MIDEAS: variants seen among roughly 807,000 people sequenced by gnomAD.
The protein encoded by MIDEAS is mitotic deacetylase-associated SANT domain protein.
Under a neutral mutation model 102.7 loss-of-function variants are expected in MIDEAS, and 26 were observed. The ratio of observed to expected loss-of-function variants is 0.25; its 90% confidence interval spans 0.19 to 0.35. MIDEAS has a LOEUF of 0.35. Ranked by LOEUF, MIDEAS falls within the 10% of genes least tolerant of loss-of-function variation. MIDEAS has a pLI of 1.00. For missense variants in MIDEAS, 1,231 were observed against 1,435.6 expected (o/e 0.86, Z 2.30); for synonymous variants, 585 against 591.0 (o/e 0.99, Z 0.15).
intron 7 of MIDEAS, among the ~76,000 whole-genome samples, chr14:73,726,337 C>T (rs992947330): frequency 6.6e-6 from 1 of 152,218 alleles, no homozygotes; most frequent in Non-Finnish European, 1.5e-5. Flanking sequence ...GGAGGCAGCA[C>T]TGCTGGAGAA....
intron 5 of MIDEAS, 49 bp from the exon 6 acceptor site, chr14:73,727,021 G>A (rs1366069903): frequency 1.9e-6 from 3 of 1,548,332 alleles, no homozygotes; most frequent in African/African-American, 1.4e-5. Context: ...TGCGGGGACG[G>A]AGAACTTGAT....
chr14:73,780,774 A>T (rs2140178806), intron 1 of MIDEAS, among the ~76,000 whole-genome samples: 1 of 152,270 alleles, frequency 6.6e-6, no homozygotes, highest in Non-Finnish European at 1.5e-5. Context: ...AGAAAACAGT[A>T]AGTAATCTTG....
chr14:73,724,630 C>A (rs1264793259), intron 9 of MIDEAS: 1 of 154,888 alleles, frequency 6.5e-6, no homozygotes, highest in African/African-American at 2.4e-5. Context: ...ATCTACAATC[C>A]CAAGAGGAAA....
intron 9 of MIDEAS, 91 bp from the exon 10 acceptor site, chr14:73,722,938 C>G (rs2053015795): frequency 1.3e-6 from 2 of 1,486,744 alleles, no homozygotes; most frequent in Non-Finnish European, 1.8e-6. Flanking sequence ...GCATCTTTCC[C>G]TTAACTTCAA....
intron 1 of MIDEAS, among the ~76,000 whole-genome samples, chr14:73,753,362 A>G (rs181289922): frequency 1.3e-5 from 2 of 152,324 alleles, no homozygotes; most frequent in African/African-American, 4.8e-5. Flanking sequence ...CCTTGTGCAC[A>G]TGAAAATAGC....
upstream of MIDEAS, among the ~76,000 whole-genome samples, chr14:73,760,478 G>GC (rs2053544902): frequency 6.6e-6 from 1 of 152,218 alleles, no homozygotes. The surrounding 1 kb of genome is among the most constrained non-coding windows in gnomAD (Gnocchi z 4.8). Flanking sequence ...CCAGGCTGGC[G>GC]CCCCCGATGG....
At chr14:73,760,649 G>A (rs2053546603), upstream of MIDEAS, among the ~76,000 whole-genome samples, 1 of 152,202 alleles carries the variant, frequency 6.6e-6, no homozygotes, top group South Asian at 2.1e-4. This position sits in a 1 kb window ranked among gnomAD's most constrained non-coding sequence, Gnocchi z 4.8. Context: ...CTCTGGTTTT[G>A]GATACGGTAA....
rs1463848452 is a variant in MIDEAS, at chr14:73,757,281, A to AAAAAAAAAC, written c.-248+2481_-248+2482insGTTTTTTTT. ...AGAAAGACCCTATCTCTAACAACCA[A>AAAAAAAAAC]AAAAAAAAAAAAACACTAAACACTT... On this transcript the variant is annotated intron_variant, in intron 1 of 12. Coordinates refer to ENST00000423556, the MANE Select transcript of MIDEAS (RefSeq NM_001367710.1). Among the ~76,000 whole-genome samples, 42 of 147,718 alleles carry AAAAAAAAAC rather than the reference A, an allele frequency of 2.8e-4. 1 individual carries two copies. The highest frequency in any genetic ancestry group is 5.7e-4 in the Non-Finnish European group (38 of 66,910).
upstream of MIDEAS, among the ~76,000 whole-genome samples, chr14:73,760,589 T>C (rs2053545920): frequency 6.6e-6 from 1 of 152,336 alleles, no homozygotes; most frequent in East Asian, 1.9e-4. This position sits in a 1 kb window ranked among gnomAD's most constrained non-coding sequence, Gnocchi z 4.8. Context: ...GGAAAGTGTG[T>C]GTGTGATGCT....
chr14:73,724,961 C>A (rs1261299028), intron 9 of MIDEAS: 4 of 274,422 alleles, frequency 1.5e-5, no homozygotes. Flanking sequence ...AATGGCTCAC[C>A]TCTACTTGCC....
intron 1 of MIDEAS, among the ~76,000 whole-genome samples, chr14:73,767,893 T>C (rs1315873872): frequency 2.0e-5 from 3 of 151,970 alleles, no homozygotes; most frequent in African/African-American, 7.3e-5. Flanking sequence ...GCACAGTGGC[T>C]CACGCCTGTA....
Position 73,725,866 on chromosome 14 carries a change from G to A in MIDEAS, c.2485+167C>T, listed in dbSNP as rs1048397177. Among the ~76,000 whole-genome samples, 2 of 152,104 alleles carry A rather than the reference G, an allele frequency of 1.3e-5. No homozygotes were observed. Among genetic ancestry groups the A allele is most frequent in the African/African-American group, 4.8e-5 (2 of 41,418 alleles). On this transcript the variant is annotated intron_variant, in intron 8 of 12. Transcript: ENST00000423556. This position sits in a 1 kb window ranked among gnomAD's most constrained non-coding sequence, Gnocchi z 4.1. ...CCCTCCAGGGCACAGGAAACCCCTGGAGAGCTACCCCAGCTTTGGTGGCAG... is the reference window on the plus strand; with the variant it reads ...CCCTCCAGGGCACAGGAAACCCCTGAAGAGCTACCCCAGCTTTGGTGGCAG...
intron 10 of MIDEAS, 87 bp downstream of exon 10, chr14:73,722,611 T>C: frequency 6.5e-7 from 1 of 1,527,720 alleles, no homozygotes; most frequent in Non-Finnish European, 8.9e-7. Flanking sequence ...TGCAGGCTCC[T>C]GGAGAGCTCG....
intron 1 of MIDEAS, among the ~76,000 whole-genome samples, chr14:73,780,780 T>C (rs891131783): frequency 2.0e-5 from 3 of 152,178 alleles, no homozygotes; most frequent in African/African-American, 7.2e-5. Flanking sequence ...CAGTAAGTAA[T>C]CTTGTTGGCC....
intron 1 of MIDEAS, among the ~76,000 whole-genome samples, chr14:73,781,628 G>A: frequency 6.6e-6 from 1 of 151,416 alleles, no homozygotes; most frequent in East Asian, 1.9e-4. Context: ...CAGCTACTCG[G>A]GAGGCCGAGG....
At position 73,718,918 on chromosome 14, in the gene MIDEAS, TTTC is replaced by T; in HGVS notation, c.3222_3224del (p.Lys1075del). ...CGGCGGCGGCGGCAGCAGCGGCCTC[TTTC>T]TCCTTCAGCCTCAGCGCTGCAGCCT... is the stretch of plus-strand genomic sequence containing the variant. On this transcript the variant is annotated inframe_deletion, in exon 13 of 13. Transcript: ENST00000423556. 1 of 1,525,144 alleles carries T rather than the reference TTTC, an allele frequency of 6.6e-7. No homozygotes were observed. The allele number at this position is 1,525,144 out of a possible 1,614,324, so 94.5% of individuals were successfully genotyped here.
intron 1 of MIDEAS, among the ~76,000 whole-genome samples, chr14:73,755,559 G>A (rs1353645276): frequency 6.6e-6 from 1 of 152,164 alleles, no homozygotes; most frequent in Non-Finnish European, 1.5e-5. Context: ...CCTTCCTCCT[G>A]CCCACCCACG....
chr14:73,736,857 G>C, intron 3 of MIDEAS, 141 bp downstream of exon 3: 1 of 831,452 alleles, frequency 1.2e-6, no homozygotes, highest in South Asian at 1.9e-5. Flanking sequence ...CTGTCCAGAA[G>C]TTTGGTTTGG....
chr14:73,786,698 G>C (rs1469755386), intron 1 of MIDEAS, among the ~76,000 whole-genome samples: 3 of 152,220 alleles, frequency 2.0e-5, no homozygotes, highest in Admixed American at 2.0e-4. Flanking sequence ...CCTCGACAAG[G>C]GCTGCGAAGA....
Sources: allele counts gnomAD v4.1 joint callset (sites outside exome capture counted in the v4.1 genomes callset), GRCh38; gene constraint gnomAD v4.1.1; non-coding constraint Gnocchi (gnomAD v3.1); transcripts MANE v1.5; gene names NCBI Gene and HGNC (gene_info 2026-07-23, HGNC 2026-07-21).